Variants in DHX9 observed in about 807,000 individuals in gnomAD.
DHX9 encodes the protein ATP-dependent RNA helicase A.
In DHX9, 27 loss-of-function variants were observed where a neutral mutation model predicts 148.7. The observed-to-expected ratio is 0.18, with a 90% CI of 0.13 to 0.25. The LOEUF (loss-of-function observed/expected upper bound fraction) is 0.25. DHX9 is among the 10% of genes least tolerant of loss of function. The probability of loss-of-function intolerance (pLI) is 1.00; values close to 1 mark genes in which losing one functional copy is unlikely to be tolerated. For synonymous variants in DHX9, 529 were observed against 516.6 expected, an observed-to-expected ratio of 1.02 and a Z score of -0.33; for missense variants, 796 against 1,559.6, an observed-to-expected ratio of 0.51 and a Z score of 8.25.
Position 182,842,525 on chromosome 1 carries a change from A to T in DHX9, c.-22-20A>T. Reference sequence around the variant, plus strand: ...TTTGCTATTATAAATGCTGTTTTTAACTGACTTTTGTTTTCTTAGATCTGA... The same window carrying T: ...TTTGCTATTATAAATGCTGTTTTTATCTGACTTTTGTTTTCTTAGATCTGA... On this transcript the variant is annotated intron_variant, in intron 1 of 27. Transcript: ENST00000367549. 5.4e-6 allele frequency: 8 copies of T among 1,487,498 alleles called. No homozygotes were observed. Among genetic ancestry groups the T allele is most frequent in the Non-Finnish European group, 7.4e-6 (8 of 1,081,256 alleles). The allele number at this position is 1,487,498 out of a possible 1,614,324, so 92.1% of individuals were successfully genotyped here. A position where few individuals can be genotyped will look rare whatever the true frequency, so the allele number is the denominator to read the frequency against.
intron 14 of DHX9, among the ~76,000 whole-genome samples, chr1:182,871,378 G>A (rs1648548366): frequency 6.6e-6 from 1 of 152,220 alleles, no homozygotes; most frequent in Non-Finnish European, 1.5e-5. Context: ...CACTAAAAAT[G>A]TTGGAGAGTA....
chr1:182,846,311 C>T (rs757779641), intron 3 of DHX9, among the ~76,000 whole-genome samples: 14 of 151,258 alleles, frequency 9.3e-5, no homozygotes, highest in Non-Finnish European at 1.8e-4. Context: ...GATCTCGGCT[C>T]ACCGCCACCT....
At chr1:182,856,684 C>T in intron 7 of DHX9, 106 bp downstream of exon 7, 1 of 945,068 alleles carries the variant, frequency 1.1e-6, no homozygotes, top group Non-Finnish European at 1.7e-6. Flanking sequence ...TTTGAAAGAG[C>T]ACATAATGTA....
At chr1:182,858,318 G>T in intron 8 of DHX9, 78 bp downstream of exon 8, 3 of 1,509,288 alleles carry the variant, frequency 2.0e-6, no homozygotes, top group Non-Finnish European at 2.7e-6. Context: ...GGCTGAAGAA[G>T]TTTAATTTTA....
intron 27 of DHX9, among the ~76,000 whole-genome samples, chr1:182,885,225 A>G (rs949723561): frequency 3.9e-5 from 6 of 152,374 alleles, no homozygotes; most frequent in Admixed American, 2.0e-4. Flanking sequence ...ATCTTAAACA[A>G]CTAGAGCATG....
intron 26 of DHX9, 53 bp downstream of exon 26, chr1:182,883,688 A>G: frequency 7.7e-7 from 1 of 1,306,578 alleles, no homozygotes; most frequent in Non-Finnish European, 1.1e-6. Context: ...TTACAATATG[A>G]TGGAATTCAG....
At chr1:182,863,591 T>C (rs909047640) in intron 12 of DHX9, among the ~76,000 whole-genome samples, 1 of 152,174 alleles carries the variant, frequency 6.6e-6, no homozygotes, top group Non-Finnish European at 1.5e-5. Context: ...ATATATAAAA[T>C]AATTATTGAA....
intron 3 of DHX9, among the ~76,000 whole-genome samples, chr1:182,846,982 T>C (rs1668043448): frequency 6.6e-6 from 1 of 152,166 alleles, no homozygotes; most frequent in African/African-American, 2.4e-5. Flanking sequence ...GTTTTTTCTG[T>C]CCCTTCCATT....
chr1:182,869,169 A>AT (rs2102609760), intron 14 of DHX9, among the ~76,000 whole-genome samples: 2 of 152,334 alleles, frequency 1.3e-5, no homozygotes, highest in East Asian at 3.9e-4. Flanking sequence ...CACGCCTGTA[A>AT]TCCTAGCACT....
chr1:182,880,766 A>G (rs569082494), intron 22 of DHX9, among the ~76,000 whole-genome samples, 158 bp downstream of exon 22: 7 of 152,164 alleles, frequency 4.6e-5, no homozygotes, highest in South Asian at 2.1e-4. Flanking sequence ...GTGTAACACT[A>G]AAAAAATGAA....
chr1:182,852,325 A>G lies in DHX9; in HGVS notation c.345A>G (p.Pro115=). The G allele has an allele frequency of 1.9e-6, 3 of 1,611,622 alleles. No individual in the cohort carries two copies. Among genetic ancestry groups the G allele is most frequent in the Non-Finnish European group, 2.5e-6 (3 of 1,178,636 alleles). ...LPTTMGGPLP[P]HLALKAENNS... is the part of the protein sequence containing the mutation. Reference sequence around the variant, plus strand: ...CAACCATGGGAGGACCTCTTCCTCCACATCTGGCTCTCAAAGCAGGTAAGG... The same window carrying G: ...CAACCATGGGAGGACCTCTTCCTCCGCATCTGGCTCTCAAAGCAGGTAAGG... Residue 115 remains proline (P), a synonymous_variant, in exon 4 of 28, where the codon CCA becomes CCG. Coordinates refer to ENST00000367549, the MANE Select transcript of DHX9 (RefSeq NM_001357.5).
intron 25 of DHX9, 23 bp downstream of exon 25, chr1:182,883,391 T>G (rs1387899131): frequency 1.2e-6 from 2 of 1,604,402 alleles, no homozygotes; most frequent in African/African-American, 1.3e-5. Flanking sequence ...TAGAAAAGTT[T>G]ACATTGAAAG....
At chr1:182,865,171 T>C (rs1648239644) in intron 12 of DHX9, among the ~76,000 whole-genome samples, 5 of 152,224 alleles carry the variant, frequency 3.3e-5, no homozygotes, top group Admixed American at 3.3e-4. Flanking sequence ...CGCAGAAAAC[T>C]TGGTGGTTAC....
At position 182,881,392 on chromosome 1, in the gene DHX9, T is replaced by A; in HGVS notation, c.2753T>A (p.Leu918His). The A allele has an allele frequency of 6.2e-7, 1 of 1,614,066 alleles. No homozygotes were observed. Among genetic ancestry groups the A allele is most frequent in the East Asian group, 2.2e-5 (1 of 44,888 alleles). ...AGNRFSDHVA[L>H]LSVFQAWDDA... is the part of the protein sequence containing the mutation. ...AACAGATTTTCTGATCACGTAGCCC[T>A]TTTATCAGTATTCCAAGCCTGGGAT... The change falls in exon 23 of 28, where the codon CTT (leucine) becomes CAT (histidine). Residue 918 changes from leucine (L) to histidine (H), a missense_variant. Leu to His is a moderately conservative substitution (Grantham distance 99, BLOSUM62 -3). Coordinates refer to ENST00000367549, the MANE Select transcript of DHX9 (RefSeq NM_001357.5).
At chr1:182,842,840 A>G (rs184227693) in intron 2 of DHX9, among the ~76,000 whole-genome samples, 163 bp downstream of exon 2, 20 of 152,354 alleles carry the variant, frequency 1.3e-4, no homozygotes, top group African/African-American at 4.8e-4. Flanking sequence ...AGTCAGCATT[A>G]CTTTTAAAAC....
intron 11 of DHX9, 125 bp downstream of exon 11, chr1:182,859,242 C>A: frequency 4.1e-6 from 3 of 732,940 alleles, no homozygotes; most frequent in Non-Finnish European, 6.7e-6. Context: ...ATGTACCAAA[C>A]TGCTAATCCT....
chr1:182,881,156 G>A (rs1649068960), intron 22 of DHX9, 108 bp from the exon 23 acceptor site: 4 of 1,123,392 alleles, frequency 3.6e-6, no homozygotes, highest in Admixed American at 5.2e-5. Context: ...GCAAATAAAA[G>A]TAGAATCATA....
chr1:182,869,472 C>T (rs147558870), intron 14 of DHX9, among the ~76,000 whole-genome samples: 8 of 152,054 alleles, frequency 5.3e-5, no homozygotes, highest in South Asian at 2.1e-4. Flanking sequence ...CAGTCTTACC[C>T]GGTTTGCTGC....
intron 27 of DHX9, 34 bp downstream of exon 27, chr1:182,884,847 A>G (rs753254075): frequency 6.2e-7 from 1 of 1,601,420 alleles, no homozygotes; most frequent in East Asian, 2.2e-5. Context: ...TGAACCAAGT[A>G]GAGGGGAGAG....
Sources: gnomAD v4.1 joint callset for allele counts (sites outside exome capture counted in the v4.1 genomes callset) on GRCh38, gnomAD v4.1.1 for gene constraint, MANE v1.5 for transcripts, NCBI Gene and HGNC (gene_info 2026-07-23, HGNC 2026-07-21) for gene names.